The following PUM1 variants were observed in gnomAD, a reference collection of about 807,000 sequenced individuals.
The protein encoded by PUM1 is pumilio RNA binding family member 1.
In PUM1, 13 loss-of-function variants were observed where a neutral mutation model predicts 131.8. That is an observed-to-expected ratio of 0.10 (90% CI 0.06 to 0.16). The LOEUF is 0.16. Among genes scored for constraint, PUM1 ranks in the 10% least tolerant of loss-of-function variants. PUM1 has a pLI of 1.00. For missense variants in PUM1, 961 were observed against 1,512.4 expected (o/e 0.64, Z 6.05); for synonymous variants, 509 against 556.5 (o/e 0.91, Z 1.20).
intron 3 of PUM1, among the ~76,000 whole-genome samples, chr1:31,013,980 T>C (rs181139438): frequency 6.6e-6 from 1 of 152,286 alleles, no homozygotes; most frequent in East Asian, 1.9e-4. Flanking sequence ...CGTAATTCTT[T>C]TGGAAGGGCC....
chr1:31,014,136 C>T (rs1429300009), intron 3 of PUM1, among the ~76,000 whole-genome samples: 1 of 151,090 alleles, frequency 6.6e-6, no homozygotes, highest in Non-Finnish European at 1.5e-5. Context: ...CCCATCTCTA[C>T]AAAAACTTAA....
Position 30,995,161 on chromosome 1 carries a change from C to T in PUM1, c.780G>A (p.Thr260=), listed in dbSNP as rs746225553. The T allele has an allele frequency of 1.2e-5, 19 of 1,614,068 alleles. No homozygotes were observed. Among genetic ancestry groups the T allele is most frequent in the African/African-American group, 9.3e-5 (7 of 74,930 alleles). ...NDKGEKKNKG[T]FDGDKLGDLK... Reference sequence around the variant, plus strand: ...AATCTCCTAGCTTATCTCCATCAAACGTACCCTTGTTCTTCTTTTCACCTT... The same window carrying T: ...AATCTCCTAGCTTATCTCCATCAAATGTACCCTTGTTCTTCTTTTCACCTT... The change falls in exon 6 of 22, where the codon ACG becomes ACA. Residue 260 remains threonine, a synonymous_variant. Transcript: ENST00000426105.
intron 3 of PUM1, among the ~76,000 whole-genome samples, chr1:31,015,760 G>A (rs1410991386): frequency 2.1e-5 from 3 of 145,846 alleles, no homozygotes; most frequent in African/African-American, 7.7e-5. Flanking sequence ...CGCAACCTCC[G>A]CCTCCTGGGT....
rs758623836 is a variant in PUM1, at chr1:30,966,152, T to G, written c.1916A>C (p.Asn639Thr). 6.2e-7 allele frequency: 1 copy of G among 1,614,018 alleles called. No individual in the cohort carries two copies. Among genetic ancestry groups the G allele is most frequent in the South Asian group, 1.1e-5 (1 of 91,066 alleles). ...QPQPQQQPNN[N>T]LASSSFYGNN... is the part of the protein sequence containing the mutation. Reference sequence around the variant, plus strand: ...GCCGTAGAAAGAACTGGATGCCAGGTTGTTATTGGGCTGCTGCTGGGGCTG... The same window carrying G: ...GCCGTAGAAAGAACTGGATGCCAGGGTGTTATTGGGCTGCTGCTGGGGCTG... The change falls in exon 13 of 22, where the codon AAC becomes ACC. Residue 639 changes from asparagine to threonine, a missense_variant. This residue lies in a region of PUM1 where 654 missense variants were observed against 923.9 expected (regional missense o/e 0.71). Transcript: ENST00000426105.
chr1:31,058,163 T>C (rs1644288660), intron 2 of PUM1, among the ~76,000 whole-genome samples: 1 of 152,202 alleles, frequency 6.6e-6, no homozygotes, highest in African/African-American at 2.4e-5. Flanking sequence ...TGACACAATA[T>C]ATCAGTCCCA....
chr1:30,940,548 A>AG (rs1218564124), intron 20 of PUM1, among the ~76,000 whole-genome samples: 1 of 152,216 alleles, frequency 6.6e-6, no homozygotes, highest in Non-Finnish European at 1.5e-5. Context: ...TCTAAAAACC[A>AG]GGGAAGAATA....
chr1:31,048,989 T>A (rs1644040027), intron 2 of PUM1, among the ~76,000 whole-genome samples: 1 of 151,980 alleles, frequency 6.6e-6, no homozygotes, highest in Non-Finnish European at 1.5e-5. Flanking sequence ...GTAGATCACC[T>A]GAGGTCAGGA....
intron 3 of PUM1, among the ~76,000 whole-genome samples, chr1:31,023,173 CAA>C (rs879342420): frequency 2.5e-5 from 3 of 120,696 alleles, no homozygotes; most frequent in African/African-American, 3.1e-5. Context: ...AACTCCATCT[CAA>C]AAAAAAAAAA....
intron 2 of PUM1, among the ~76,000 whole-genome samples, chr1:31,054,972 T>C (rs1045804606): frequency 6.6e-5 from 10 of 152,140 alleles, no homozygotes; most frequent in Non-Finnish European, 1.3e-4. Context: ...AAAGCCTCAG[T>C]TTCTCACTTT....
chr1:30,999,816 A>C (rs1002936404), intron 5 of PUM1, among the ~76,000 whole-genome samples: 2 of 152,186 alleles, frequency 1.3e-5, no homozygotes, highest in Non-Finnish European at 1.5e-5. Flanking sequence ...CACAAATGTA[A>C]TATAATAGTA....
intron 7 of PUM1, among the ~76,000 whole-genome samples, chr1:30,983,805 G>A (rs1641446427): frequency 7.0e-6 from 1 of 143,292 alleles, no homozygotes; most frequent in Non-Finnish European, 1.5e-5. Context: ...TGAAGTCTAC[G>A]TTGCTCAGGC....
chr1:31,041,057 A>C (rs572574166), intron 2 of PUM1, among the ~76,000 whole-genome samples: 2 of 152,326 alleles, frequency 1.3e-5, no homozygotes, highest in East Asian at 3.9e-4. Context: ...CATAGGTATA[A>C]TCTCGGAACT....
chr1:30,937,717 T>C (rs571353466), intron 20 of PUM1, among the ~76,000 whole-genome samples: 24 of 152,298 alleles, frequency 1.6e-4, no homozygotes, highest in Admixed American at 1.2e-3. Context: ...TGAAAATAGA[T>C]CAATAGAAGT....
intron 2 of PUM1, among the ~76,000 whole-genome samples, chr1:31,049,986 C>G (rs1025454643): frequency 6.6e-6 from 1 of 151,522 alleles, no homozygotes; most frequent in African/African-American, 2.4e-5. Flanking sequence ...CCCGCCAACA[C>G]ACCTGGCTAA....
chr1:30,937,920 C>T (rs1047268213), intron 20 of PUM1, among the ~76,000 whole-genome samples: 3 of 151,940 alleles, frequency 2.0e-5, no homozygotes, highest in Non-Finnish European at 4.4e-5. Context: ...TACAGATGTC[C>T]GCCATGACAC....
At chr1:31,041,970 G>A (rs1376907652) in intron 2 of PUM1, among the ~76,000 whole-genome samples, 3 of 152,028 alleles carry the variant, frequency 2.0e-5, no homozygotes, top group East Asian at 1.9e-4. Flanking sequence ...ATGATTACTC[G>A]TTATTAATTC....
chr1:30,953,980 T>C lies in PUM1; in HGVS notation c.2325A>G (p.Gly775=). 1 of 1,613,482 alleles carries C rather than the reference T, an allele frequency of 6.2e-7. No homozygotes were observed. The highest frequency in any genetic ancestry group is 1.1e-5 in the South Asian group (1 of 91,072). Residue 775 remains glycine (G), a splice_region_variant and synonymous_variant, in exon 15 of 22, where the codon GGA becomes GGG. Transcript: ENST00000426105. The stretch of plus-strand genomic sequence containing the variant: ...ATCTTCCACTGCCATTCGTGAGTCC[T>C]CCTGTTGGTTACAGAACAGGATAAC... ...SHGSSSSLNL[G]GLTNGSGRYI...
chr1:30,949,883 T>C (rs561522652), intron 17 of PUM1, among the ~76,000 whole-genome samples: 1 of 152,338 alleles, frequency 6.6e-6, no homozygotes, highest in Non-Finnish European at 1.5e-5. Context: ...AAATTGAACC[T>C]ATTAAAGGCT....
Position 30,953,971 on chromosome 1 carries a change from C to T in PUM1, c.2334G>A (p.Thr778=), listed in dbSNP as rs372202798. ...SSSSLNLGGL[T]NGSGRYISAA... is the part of the protein sequence containing the mutation. Reference sequence around the variant, plus strand: ...CAGAGATGTATCTTCCACTGCCATTCGTGAGTCCTCCTGTTGGTTACAGAA... The same window carrying T: ...CAGAGATGTATCTTCCACTGCCATTTGTGAGTCCTCCTGTTGGTTACAGAA... The change falls in exon 15 of 22, where the codon ACG becomes ACA. Residue 778 remains threonine (T), a synonymous_variant. Coordinates refer to ENST00000426105, the MANE Select transcript of PUM1 (RefSeq NM_001020658.2). The T allele has an allele frequency of 4.3e-6, 7 of 1,613,722 alleles. No individual in the cohort carries two copies. Among genetic ancestry groups the T allele is most frequent in the African/African-American group, 2.7e-5 (2 of 74,930 alleles).
Sources: gnomAD v4.1 joint callset for allele counts (sites outside exome capture counted in the v4.1 genomes callset) on GRCh38, gnomAD v4.1.1 for gene constraint, gnomAD v4.1.1 regional missense constraint, MANE v1.5 for transcripts, NCBI Gene and HGNC (gene_info 2026-07-23, HGNC 2026-07-21) for gene names.